Variants in SEMA4C observed in about 807,000 individuals in gnomAD.
The protein encoded by SEMA4C is semaphorin-4C.
Under a neutral mutation model 89.0 loss-of-function variants are expected in SEMA4C, and 19 were observed. The observed-to-expected ratio is 0.21, with a 90% CI of 0.15 to 0.31. SEMA4C has a LOEUF of 0.31. Ranked by LOEUF, SEMA4C falls within the 10% of genes least tolerant of loss-of-function variation. The pLI is 1.00. For synonymous variants in SEMA4C, 428 were observed against 472.7 expected (o/e 0.91, Z 1.23); for missense variants, 811 against 1,107.0 (o/e 0.73, Z 3.79).
chr2:96,868,076 A>T (rs2080121848), intron 1 of SEMA4C, 153 bp from the exon 2 acceptor site: 2 of 1,106,704 alleles, frequency 1.8e-6, no homozygotes, highest in Non-Finnish European at 2.5e-6. Flanking sequence ...CTAAGTCCCC[A>T]CACTTGGCCT....
At chr2:96,866,865 C>T (rs2080084959) in intron 2 of SEMA4C, 1 of 342,888 alleles carries the variant, frequency 2.9e-6, no homozygotes. Context: ...TATGAGTACT[C>T]CCTGCCTCAG....
At chr2:96,868,320 C>A in intron 1 of SEMA4C, 1 of 714,682 alleles carries the variant, frequency 1.4e-6, no homozygotes, top group Non-Finnish European at 1.8e-6. Flanking sequence ...ACTGGGGCTC[C>A]GGACCCTGCC....
In SEMA4C at chr2:96,863,925, C is replaced by T. The variant is rs1301638414; in HGVS notation, c.1330+1G>A. On this transcript the variant is annotated splice_donor_variant, in intron 11 of 14. Transcript: ENST00000305476. LOFTEE classifies it high-confidence loss of function. ...CCATGCCTGCATACCCATGCACCCA[C>T]CTGTGCCAATGAACAGCACTGTATA... 1 of 1,604,810 alleles carries T rather than the reference C, an allele frequency of 6.2e-7. No individual in the cohort carries two copies.
At chr2:96,863,182 C>G in intron 12 of SEMA4C, 1 of 948,340 alleles carries the variant, frequency 1.1e-6, no homozygotes, top group Non-Finnish European at 1.3e-6. Context: ...TGCACTCTAG[C>G]CTGGGTGACA....
At chr2:96,870,559 C>T, upstream of SEMA4C, 1 of 985,472 alleles carries the variant, frequency 1.0e-6, no homozygotes, top group Non-Finnish European at 1.2e-6. Flanking sequence ...CCGTTTGGCC[C>T]CCAATTCTGC....
intron 3 of SEMA4C, 73 bp downstream of exon 3, chr2:96,866,210 C>T: frequency 6.5e-7 from 1 of 1,527,792 alleles, no homozygotes; most frequent in South Asian, 1.3e-5. Context: ...TGAGGGACCA[C>T]CTAGCCAAGC....
Position 96,866,440 on chromosome 2 carries a change from G to A in SEMA4C, c.110-9C>T. The A allele has an allele frequency of 6.2e-7, 1 of 1,613,900 alleles. No homozygotes were observed. The highest frequency in any genetic ancestry group is 8.5e-7 in the Non-Finnish European group (1 of 1,180,032). ...TACTACCGTGGCCAGCTCTGCAGGGGTAAGCATGGCTGCTGATGGGCAGGA... is the reference window on the plus strand; with the variant it reads ...TACTACCGTGGCCAGCTCTGCAGGGATAAGCATGGCTGCTGATGGGCAGGA... On this transcript the variant is annotated splice_polypyrimidine_tract_variant and intron_variant, in intron 2 of 14. Coordinates refer to ENST00000305476, the MANE Select transcript of SEMA4C (RefSeq NM_017789.5).
At chr2:96,867,262 A>T (rs2080096196) in intron 2 of SEMA4C, among the ~76,000 whole-genome samples, 1 of 152,172 alleles carries the variant, frequency 6.6e-6, no homozygotes, top group Non-Finnish European at 1.5e-5. Context: ...CCAGGTCCCC[A>T]GAGCGCACGG....
intron 1 of SEMA4C, chr2:96,868,270 G>C (rs1055366355): frequency 1.6e-5 from 7 of 451,152 alleles, no homozygotes; most frequent in Non-Finnish European, 2.1e-5. Flanking sequence ...TAAGAGGTTT[G>C]AGTTTCTTGA....
chr2:96,860,930 G>A lies in SEMA4C; in HGVS notation c.2198C>T (p.Pro733Leu). The change falls in exon 15 of 15, where the codon CCT (proline) becomes CTT (leucine). Residue 733 changes from proline to leucine, a missense_variant. Physicochemically the swap from Pro to Leu is moderately conservative, Grantham distance 98 (BLOSUM62 -3). Coordinates refer to ENST00000305476, the MANE Select transcript of SEMA4C (RefSeq NM_017789.5). The part of the protein sequence containing the change: ...CPEPDEKLWD[P>L]VGYYYSDGSL... ...GCCATCTGAATAGTAGTAACCGACA[G>A]GATCCCAAAGTTTCTCATCTGGTTC... is the stretch of plus-strand genomic sequence containing the variant. The A allele has an allele frequency of 2.5e-6, 4 of 1,613,102 alleles. No homozygotes were observed. In the South Asian group the frequency reaches 3.3e-5, roughly 13 times the overall value.
chr2:96,865,356 G>C, intron 6 of SEMA4C, 36 bp from the exon 7 acceptor site: 3 of 1,611,416 alleles, frequency 1.9e-6, no homozygotes, highest in Middle Eastern at 3.3e-4. Context: ...CCACACATGA[G>C]GTATGGACAC....
Position 96,865,891 on chromosome 2 carries a change from A to G in SEMA4C, c.297T>C (p.Cys99=). 2 of 1,614,098 alleles carry G rather than the reference A, an allele frequency of 1.2e-6. No homozygotes were observed. The highest frequency in any genetic ancestry group is 1.7e-6 in the Non-Finnish European group (2 of 1,180,032). Residue 99 remains cysteine, a synonymous_variant, in exon 4 of 15, where the codon TGT becomes TGC. Coordinates refer to ENST00000305476, the MANE Select transcript of SEMA4C (RefSeq NM_017789.5). ...WEAPVEKKTE[C]IQKGKNNQTE... ...CCTGGTTGTTCTTCCCTTTCTGGAT[A>G]CACTCAGTCTTCTTCTCCACGGGGG...
chr2:96,863,799 G>T lies in SEMA4C; in HGVS notation c.1331-5C>A, dbSNP rs199674041. The T allele has an allele frequency of 1.2e-5, 20 of 1,613,310 alleles. No individual in the cohort carries two copies. The East Asian group carries it at 4.2e-4, about 34-fold the overall frequency. ...CCTTGAGCAGCCAGCCGTCTCCTGG[G>T]GGGTGCAGAGGAGAAGGTGTAAATG... On this transcript the variant is annotated splice_region_variant and splice_polypyrimidine_tract_variant and intron_variant, in intron 11 of 14. Transcript: ENST00000305476.
rs1390760137 is a variant in SEMA4C, at chr2:96,860,175, C to G, written c.*451G>C. 5.9e-6 allele frequency: 1 copy of G among 169,388 alleles called. No individual in the cohort carries two copies. The highest frequency in any genetic ancestry group is 1.3e-5 in the Non-Finnish European group (1 of 79,786). The allele number at this position is 169,388 out of a possible 1,614,324, so 10.5% of individuals were successfully genotyped here. Reference sequence around the variant, plus strand: ...CTCGGGGCAGTGGGGGTAGGAGAGACAAAGTGATACGACCCCTTCCCCTTC... The same window carrying G: ...CTCGGGGCAGTGGGGGTAGGAGAGAGAAAGTGATACGACCCCTTCCCCTTC... On this transcript the variant is annotated 3_prime_UTR_variant, in exon 15 of 15. Transcript: ENST00000305476.
chr2:96,864,848 C>T lies in SEMA4C; in HGVS notation c.819G>A (p.Arg273=). ...GCGCCTTCAGGAACGTGGTCCACTTCCTCTGCAGGGTCCGTGCGCCCCCCA... is the reference window on the plus strand; with the variant it reads ...GCGCCTTCAGGAACGTGGTCCACTTTCTCTGCAGGGTCCGTGCGCCCCCCA... ...GDMGGARTLQ[R]KWTTFLKARL... Residue 273 remains arginine, a synonymous_variant, in exon 9 of 15, where the codon AGG becomes AGA. Coordinates refer to ENST00000305476, the MANE Select transcript of SEMA4C (RefSeq NM_017789.5). The surrounding 1 kb of genome is among the most constrained non-coding windows in gnomAD (Gnocchi z 6.3). 6.2e-7 allele frequency: 1 copy of T among 1,613,772 alleles called. No individual in the cohort carries two copies. The highest frequency in any genetic ancestry group is 8.5e-7 in the Non-Finnish European group (1 of 1,179,992).
chr2:96,865,041 A>G lies in SEMA4C; in HGVS notation c.709T>C (p.Phe237Leu). The G allele has an allele frequency of 6.4e-7, 1 of 1,557,336 alleles. No homozygotes were observed. Residue 237 changes from phenylalanine to leucine, a missense_variant, in exon 8 of 15, where the codon TTC (phenylalanine) becomes CTC (leucine). Physicochemically the swap from Phe to Leu is conservative, Grantham distance 22. This residue lies in a region of SEMA4C where 441 missense variants were observed against 664.9 expected (regional missense o/e 0.66). Coordinates refer to ENST00000305476, the MANE Select transcript of SEMA4C (RefSeq NM_017789.5). ...SFTGDDDKVY[F>L]FFRERAVESD... ...TCCACTGCCCGCTCCCTGAAGAAGA[A>G]GTAGACCTTGTCGTCGTCCCCCGTG...
In SEMA4C at chr2:96,864,168, G is replaced by A; in HGVS notation, c.1108-20C>T. 6.2e-7 allele frequency: 1 copy of A among 1,612,680 alleles called. No homozygotes were observed. Among genetic ancestry groups the A allele is most frequent in the South Asian group, 1.1e-5 (1 of 91,076 alleles). On this transcript the variant is annotated intron_variant, in intron 10 of 14. Coordinates refer to ENST00000305476, the MANE Select transcript of SEMA4C (RefSeq NM_017789.5). The surrounding 1 kb of genome is among the most constrained non-coding windows in gnomAD (Gnocchi z 6.3). The stretch of plus-strand genomic sequence containing the variant: ...AATGCACTGGGGGCAGGGTGTGGGG[G>A]GCAGGCCATCAGCAGGGTGGGATGG...
chr2:96,866,190 G>A, intron 3 of SEMA4C, 93 bp downstream of exon 3: 5 of 1,497,184 alleles, frequency 3.3e-6, no homozygotes, highest in Non-Finnish European at 3.6e-6. Context: ...TTCTGTGGGG[G>A]CAGCCAGGCT....
rs1004679412 is a variant in SEMA4C, at chr2:96,869,367, C to G, written c.-38+509G>C. 5 of 984,598 alleles carry G rather than the reference C, an allele frequency of 5.1e-6. No homozygotes were observed. In the African/African-American group the frequency reaches 7.0e-5, roughly 14 times the overall value. 61.0% of individuals were successfully genotyped at this position (984,598 alleles called of 1,614,324 possible). On this transcript the variant is annotated intron_variant, in intron 1 of 14. Coordinates refer to ENST00000305476, the MANE Select transcript of SEMA4C (RefSeq NM_017789.5). ...CCACCCCGAGCGGCCAGCCGTGGAC[C>G]GCGGCCCTCCCTGCAGGGCGAGCGC...
Sources: gnomAD v4.1 joint callset for allele counts (sites outside exome capture counted in the v4.1 genomes callset) on GRCh38, gnomAD v4.1.1 for gene constraint, gnomAD v4.1.1 regional missense constraint, Gnocchi (gnomAD v3.1) non-coding constraint, MANE v1.5 for transcripts, NCBI Gene and HGNC (gene_info 2026-07-23, HGNC 2026-07-21) for gene names.